Variants in ADAMTSL1 observed in about 807,000 individuals in gnomAD.
The protein encoded by ADAMTSL1 is ADAMTS-like protein 1.
Under a neutral mutation model 201.8 loss-of-function variants are expected in ADAMTSL1, and 126 were observed. The observed-to-expected ratio is 0.62, with a 90% CI of 0.54 to 0.72. The LOEUF (loss-of-function observed/expected upper bound fraction) is 0.72, where lower values mean the gene tolerates loss of function less well. Among genes scored for constraint, ADAMTSL1 ranks in the 30% least tolerant of loss-of-function variants. The pLI is 0.00. For synonymous variants in ADAMTSL1, 1,121 were observed against 903.4 expected (o/e 1.24, Z -4.32); for missense variants, 2,679 against 2,277.8 (o/e 1.18, Z -3.59).
intron 2 of ADAMTSL1, among the ~76,000 whole-genome samples, chr9:18,316,956 A>C (rs1418253330): frequency 6.6e-6 from 1 of 152,214 alleles, no homozygotes; most frequent in East Asian, 1.9e-4. Context: ...TATTCACAAT[A>C]GCCAAGATAT....
chr9:18,189,759 G>C (rs536563370), intron 2 of ADAMTSL1, among the ~76,000 whole-genome samples: 1 of 152,078 alleles, frequency 6.6e-6, no homozygotes, highest in African/African-American at 2.4e-5. Flanking sequence ...AACTGTGTTT[G>C]GCAAGATATG....
intron 5 of ADAMTSL1, among the ~76,000 whole-genome samples, chr9:18,624,782 A>G (rs186919924): frequency 4.7e-4 from 72 of 152,306 alleles, no homozygotes; most frequent in African/African-American, 1.7e-3. Flanking sequence ...GCCCTATATC[A>G]TCTCCAAGTC....
intron 4 of ADAMTSL1, among the ~76,000 whole-genome samples, 198 bp from the exon 5 acceptor site, chr9:18,622,045 T>G (rs10963676): frequency 0.14 from 20,858 of 152,158 alleles, 1,543 homozygotes; most frequent in Middle Eastern, 0.23. Flanking sequence ...TATCTGAACT[T>G]TGAAAACATC....
At chr9:18,826,183 C>G in intron 21 of ADAMTSL1, 101 bp from the exon 22 acceptor site, 1 of 1,405,020 alleles carries the variant, frequency 7.1e-7, no homozygotes, top group Non-Finnish European at 9.8e-7. Context: ...TGTAGAGCAG[C>G]CCCAGGGAAG....
chr9:17,947,322 C>CAT (rs1021163692), intron 1 of ADAMTSL1, among the ~76,000 whole-genome samples: 3 of 142,274 alleles, frequency 2.1e-5, no homozygotes, highest in African/African-American at 8.0e-5. Flanking sequence ...TACACACACA[C>CAT]ACACACACAC....
At chr9:18,863,050 C>G (rs929754608) in intron 23 of ADAMTSL1, among the ~76,000 whole-genome samples, 5 of 152,316 alleles carry the variant, frequency 3.3e-5, no homozygotes, top group South Asian at 2.1e-4. Flanking sequence ...CCTGCTACCC[C>G]CTAGAGGTGG....
At chr9:18,720,600 T>A (rs1046100540) in intron 14 of ADAMTSL1, among the ~76,000 whole-genome samples, 5 of 152,114 alleles carry the variant, frequency 3.3e-5, no homozygotes, top group African/African-American at 1.2e-4. Context: ...CTGACCAGCA[T>A]GGTGAAACCC....
intron 2 of ADAMTSL1, among the ~76,000 whole-genome samples, chr9:18,211,054 C>G (rs1449124778): frequency 6.6e-6 from 1 of 152,068 alleles, no homozygotes; most frequent in Admixed American, 6.6e-5. Flanking sequence ...TGAGCCACAG[C>G]TGGCTGGACA....
intron 2 of ADAMTSL1, among the ~76,000 whole-genome samples, chr9:18,316,681 T>C (rs1834409146): frequency 2.0e-5 from 3 of 152,156 alleles, no homozygotes; most frequent in Admixed American, 2.0e-4. Context: ...CTGTACAATT[T>C]ATGCAGTTAA....
At chr9:18,149,700 G>C (rs1053452188) in intron 1 of ADAMTSL1, among the ~76,000 whole-genome samples, 1 of 152,024 alleles carries the variant, frequency 6.6e-6, no homozygotes, top group African/African-American at 2.4e-5. Context: ...AGATGTGATT[G>C]GCACTGTTTT....
chr9:18,018,935 T>C (rs1820370096), intron 1 of ADAMTSL1, among the ~76,000 whole-genome samples: 1 of 151,990 alleles, frequency 6.6e-6, no homozygotes, highest in Admixed American at 6.6e-5. Context: ...TGGAACCAGG[T>C]AGTGGGCAGA....
At chr9:18,275,768 C>T (rs1315982515) in intron 2 of ADAMTSL1, among the ~76,000 whole-genome samples, 1 of 152,094 alleles carries the variant, frequency 6.6e-6, no homozygotes, top group African/African-American at 2.4e-5. Context: ...GAGTCATAGA[C>T]ATTTGGGGCT....
chr9:18,508,194 G>A (rs76454417), intron 2 of ADAMTSL1, among the ~76,000 whole-genome samples: 51 of 145,882 alleles, frequency 3.5e-4, no homozygotes, highest in Admixed American at 2.7e-3. Flanking sequence ...AAAAAAAAAA[G>A]AAAAAAAAAA....
intron 14 of ADAMTSL1, 32 bp downstream of exon 14, chr9:18,707,080 C>T (rs774292217): frequency 6.3e-7 from 1 of 1,591,308 alleles, no homozygotes; most frequent in South Asian, 1.1e-5. Context: ...CAGATCCCCG[C>T]CATCTTCTTG....
rs547483031 is a variant in ADAMTSL1, at chr9:18,023,848, G to T, written c.87+116926G>T. The stretch of plus-strand genomic sequence containing the variant: ...TCTTGGCAAAATATAGCAATGCAGA[G>T]AATTCAGGAGAAAATAGTTTGATAA... On this transcript the variant is annotated intron_variant, in intron 1 of 29. Transcript: ENST00000680146. Among the ~76,000 whole-genome samples, 17 of 152,178 alleles carry T rather than the reference G, an allele frequency of 1.1e-4. No homozygotes were observed. The East Asian group carries it at 1.5e-3, about 14-fold the overall frequency.
intron 1 of ADAMTSL1, among the ~76,000 whole-genome samples, chr9:17,987,915 C>T (rs951503780): frequency 6.6e-6 from 1 of 152,066 alleles, no homozygotes; most frequent in Admixed American, 6.6e-5. Context: ...CTTGTCTTTG[C>T]TGAGACCCCA....
intron 15 of ADAMTSL1, chr9:18,723,732 A>C (rs1817691272): frequency 6.6e-6 from 1 of 152,634 alleles, no homozygotes; most frequent in Non-Finnish European, 1.5e-5. Context: ...AATTGCAACA[A>C]TAAAGGGGAC....
At chr9:18,196,640 C>T (rs1425458946) in intron 2 of ADAMTSL1, among the ~76,000 whole-genome samples, 1 of 152,068 alleles carries the variant, frequency 6.6e-6, no homozygotes, top group Non-Finnish European at 1.5e-5. Context: ...CATCTATACT[C>T]AACTTTTCAA....
chr9:18,038,569 C>T (rs1055580037), intron 1 of ADAMTSL1, among the ~76,000 whole-genome samples: 1 of 152,038 alleles, frequency 6.6e-6, no homozygotes, highest in Admixed American at 6.6e-5. Context: ...TGCTATTTTG[C>T]CTAAAGGATT....
Sources: gnomAD v4.1 joint callset for allele counts (sites outside exome capture counted in the v4.1 genomes callset) on GRCh38, gnomAD v4.1.1 for gene constraint, MANE v1.5 for transcripts, NCBI Gene and HGNC (gene_info 2026-07-23, HGNC 2026-07-21) for gene names.